The following CA10 variants were observed in gnomAD, a reference collection of about 807,000 sequenced individuals.
CA10 encodes the protein carbonic anhydrase 10 (inactive).
CA10 carries 14 observed loss-of-function variants against 44.2 expected under a neutral mutation model. The observed-to-expected ratio is 0.32, with a 90% CI of 0.21 to 0.50. CA10 has a LOEUF of 0.50. Among genes scored for constraint, CA10 ranks in the 20% least tolerant of loss-of-function variants. The pLI, the probability that CA10 is intolerant of heterozygous loss-of-function variation, is 0.99. For missense variants in CA10, 350 were observed against 409.7 expected, an observed-to-expected ratio of 0.85 and a Z score of 1.26; for synonymous variants, 159 against 141.6, an observed-to-expected ratio of 1.12 and a Z score of -0.87.
At chr17:51,933,483 G>A (rs970704795) in intron 2 of CA10, among the ~76,000 whole-genome samples, 3 of 152,080 alleles carry the variant, frequency 2.0e-5, no homozygotes, top group African/African-American at 7.2e-5. Flanking sequence ...TCTCCACCTA[G>A]AGCTTCCTGC....
chr17:51,872,324 A>T (rs1979856506), intron 3 of CA10, among the ~76,000 whole-genome samples: 2 of 152,200 alleles, frequency 1.3e-5, no homozygotes, highest in African/African-American at 4.8e-5. Context: ...CTCTCCCAGC[A>T]AAGTGTCTTG....
At position 52,037,942 on chromosome 17, in the gene CA10, A is replaced by AT. The variant is rs534247333; in HGVS notation, c.136+34376dup. Among the ~76,000 whole-genome samples, 319 of 148,272 alleles carry AT rather than the reference A, an allele frequency of 2.2e-3. 5 individuals carry two copies. The South Asian group carries it at 0.024, about 11-fold the overall frequency. On this transcript the variant is annotated intron_variant, in intron 2 of 8. Transcript: ENST00000451037. Reference sequence around the variant, plus strand: ...CCTCTGGCCCAAAACTCTTTATAGCATTTTTTTTTTCACAACCTACACTCC... The same window carrying AT: ...CCTCTGGCCCAAAACTCTTTATAGCATTTTTTTTTTTCACAACCTACACTCC...
intron 3 of CA10, among the ~76,000 whole-genome samples, chr17:51,929,645 C>A (rs1460279746): frequency 2.0e-5 from 3 of 152,182 alleles, no homozygotes; most frequent in Admixed American, 2.0e-4. Flanking sequence ...ATAACTACAA[C>A]TTTTCCTTCT....
At chr17:51,821,413 A>G (rs918700395) in intron 3 of CA10, among the ~76,000 whole-genome samples, 6 of 151,942 alleles carry the variant, frequency 3.9e-5, no homozygotes, top group Admixed American at 2.0e-4. Context: ...CTTGCAGTCC[A>G]TCTATCTGCA....
chr17:51,964,694 C>CA (rs966590069), intron 2 of CA10, among the ~76,000 whole-genome samples: 95 of 147,816 alleles, frequency 6.4e-4, no homozygotes, highest in African/African-American at 2.1e-3. Flanking sequence ...ATGCCAAAGT[C>CA]AAAAAAAAAA....
chr17:51,868,897 T>A (rs1979677774), intron 3 of CA10, among the ~76,000 whole-genome samples: 1 of 151,820 alleles, frequency 6.6e-6, no homozygotes, highest in African/African-American at 2.4e-5. Flanking sequence ...TTTTGTTTTT[T>A]TTTTTTTACA....
intron 3 of CA10, among the ~76,000 whole-genome samples, chr17:51,911,065 G>T (rs1332704607): frequency 8.5e-5 from 13 of 152,150 alleles, no homozygotes; most frequent in Non-Finnish European, 1.8e-4. Context: ...ACGGCTGTGG[G>T]CCGATTTTGA....
chr17:52,151,318 C>T (rs2143412447), intron 1 of CA10, among the ~76,000 whole-genome samples: 1 of 152,074 alleles, frequency 6.6e-6, no homozygotes, highest in Admixed American at 6.6e-5. Flanking sequence ...TAAATATCTT[C>T]TTGTCTATGA....
intron 2 of CA10, among the ~76,000 whole-genome samples, chr17:52,056,315 G>A (rs2143072070): frequency 6.6e-6 from 1 of 152,154 alleles, no homozygotes; most frequent in East Asian, 1.9e-4. Context: ...AGGGCAATTT[G>A]GAATTGGAAT....
Position 52,009,625 on chromosome 17 carries a change from G to T in CA10, c.136+62694C>A, listed in dbSNP as rs941015696. Among the ~76,000 whole-genome samples, 9 of 152,098 alleles carry T rather than the reference G, an allele frequency of 5.9e-5. No homozygotes were observed. The South Asian group carries it at 1.5e-3, about 25-fold the overall frequency. On this transcript the variant is annotated intron_variant, in intron 2 of 8. Transcript: ENST00000451037. ...CTAAAGCAAAGGTCAATTATAATTT[G>T]TTGGATAATTTCTCTTCTAAATTTA...
At chr17:51,827,268 G>A (rs1018710420) in intron 3 of CA10, among the ~76,000 whole-genome samples, 1 of 151,950 alleles carries the variant, frequency 6.6e-6, no homozygotes, top group African/African-American at 2.4e-5. Flanking sequence ...TTTTCAATCT[G>A]CAGGACTTCT....
intron 3 of CA10, among the ~76,000 whole-genome samples, chr17:51,840,447 C>T (rs115544654): frequency 5.0e-4 from 76 of 150,996 alleles, no homozygotes; most frequent in African/African-American, 1.7e-3. Flanking sequence ...TTGTAATGTA[C>T]TTGAACTCTG....
intron 1 of CA10, among the ~76,000 whole-genome samples, chr17:52,089,018 G>A (rs1454577975): frequency 6.6e-6 from 1 of 152,144 alleles, no homozygotes; most frequent in Non-Finnish European, 1.5e-5. Flanking sequence ...CCATCATTAG[G>A]CTAATGCTCC....
intron 4 of CA10, among the ~76,000 whole-genome samples, chr17:51,682,571 C>G (rs866224441): frequency 6.6e-6 from 1 of 152,164 alleles, no homozygotes; most frequent in African/African-American, 2.4e-5. Context: ...ACAGTTAACA[C>G]AGAAAATGAA....
At chr17:51,802,565 GAA>G (rs754344655) in intron 3 of CA10, among the ~76,000 whole-genome samples, 9,498 of 90,328 alleles carry the variant, frequency 0.11, 390 homozygotes, top group African/African-American at 0.23. Context: ...CCTGATGTCT[GAA>G]AAAAAAAAAA....
intron 4 of CA10, among the ~76,000 whole-genome samples, chr17:51,737,367 G>A (rs545005229): frequency 4.6e-5 from 7 of 152,204 alleles, no homozygotes; most frequent in African/African-American, 1.7e-4. Flanking sequence ...TTAGTTCACC[G>A]TGGTTATGCT....
intron 2 of CA10, among the ~76,000 whole-genome samples, chr17:51,946,954 G>A (rs541536538): frequency 9.2e-5 from 14 of 152,052 alleles, no homozygotes; most frequent in African/African-American, 3.4e-4. Context: ...TTGTTTACTT[G>A]CTCTGGCTCT....
intron 3 of CA10, among the ~76,000 whole-genome samples, chr17:51,839,178 T>C (rs1441678088): frequency 6.6e-6 from 1 of 152,176 alleles, no homozygotes; most frequent in African/African-American, 2.4e-5. Flanking sequence ...CCCTACCATG[T>C]GCAGAATGTT....
At chr17:52,040,796 C>T (rs1376423449) in intron 2 of CA10, among the ~76,000 whole-genome samples, 2 of 152,010 alleles carry the variant, frequency 1.3e-5, no homozygotes, top group Non-Finnish European at 2.9e-5. Flanking sequence ...GAGGAAGGAA[C>T]TATTCCAAGA....
Sources: gnomAD v4.1 joint callset for allele counts (sites outside exome capture counted in the v4.1 genomes callset) on GRCh38, gnomAD v4.1.1 for gene constraint, MANE v1.5 for transcripts, NCBI Gene and HGNC (gene_info 2026-07-23, HGNC 2026-07-21) for gene names.